ACTR3C: variants seen among roughly 807,000 people sequenced by gnomAD.
ACTR3C encodes actin-related protein 3C.
ACTR3C carries 18 observed loss-of-function variants against 26.3 expected under a neutral mutation model. The ratio of observed to expected loss-of-function variants is 0.68; its 90% CI spans 0.47 to 1.01. ACTR3C has a LOEUF of 1.01. Ranked by LOEUF, ACTR3C falls within the 50% of genes least tolerant of loss-of-function variation. The pLI, the probability that ACTR3C is intolerant of heterozygous loss-of-function variation, is 0.00. For missense variants in ACTR3C, 184 were observed against 250.7 expected (o/e 0.73, Z 1.80); for synonymous variants, 55 against 94.5 (o/e 0.58, Z 2.42).
At chr7:150,137,966 G>A in the ACTR3C span, among the ~76,000 whole-genome samples, 1 of 152,186 alleles carries the variant, frequency 6.6e-6, no homozygotes, top group African/African-American at 2.4e-5. Flanking sequence ...ATGGGTGGAT[G>A]ATAGTACCAG....
the ACTR3C span, among the ~76,000 whole-genome samples, chr7:150,145,498 A>T: frequency 6.9e-6 from 1 of 144,330 alleles, no homozygotes; most frequent in Non-Finnish European, 1.5e-5. Flanking sequence ...TAAAATACTC[A>T]GGTTGTAGGA....
chr7:150,291,378 G>A (rs1024406258), intron 3 of ACTR3C, among the ~76,000 whole-genome samples: 3 of 152,166 alleles, frequency 2.0e-5, no homozygotes, highest in Non-Finnish European at 4.4e-5. Context: ...GCAGTGTGCC[G>A]AGATCGTGCC....
At chr7:150,206,025 G>T in the ACTR3C span, among the ~76,000 whole-genome samples, 1 of 152,108 alleles carries the variant, frequency 6.6e-6, no homozygotes, top group African/African-American at 2.4e-5. Context: ...ACTGAGAGTT[G>T]GAAAGGAAGT....
chr7:150,185,118 A>G, the ACTR3C span, among the ~76,000 whole-genome samples: 29 of 151,930 alleles, frequency 1.9e-4, no homozygotes, highest in African/African-American at 6.8e-4. Context: ...AACTGAGAGG[A>G]ATCATGGTCT....
At chr7:149,955,901 A>G in the ACTR3C span, among the ~76,000 whole-genome samples, 5 of 152,184 alleles carry the variant, frequency 3.3e-5, no homozygotes, top group African/African-American at 9.7e-5. Context: ...AATGGTCCCC[A>G]ACTCACCCTG....
At chr7:150,120,061 A>G in the ACTR3C span, among the ~76,000 whole-genome samples, 1 of 152,222 alleles carries the variant, frequency 6.6e-6, no homozygotes, top group African/African-American at 2.4e-5. Flanking sequence ...AATGTACCAG[A>G]ATCCCTGGGA....
chr7:150,186,945 G>A, the ACTR3C span, among the ~76,000 whole-genome samples: 1 of 151,952 alleles, frequency 6.6e-6, no homozygotes, highest in Non-Finnish European at 1.5e-5. Flanking sequence ...TTAAAAAAAA[G>A]GTCAGTAGAG....
At chr7:150,168,993 T>G in the ACTR3C span, among the ~76,000 whole-genome samples, 1 of 150,660 alleles carries the variant, frequency 6.6e-6, no homozygotes, top group African/African-American at 2.5e-5. Flanking sequence ...ATCCCTAACC[T>G]TCAATGCATT....
At chr7:150,305,756 T>A (rs185996549) in intron 1 of ACTR3C, among the ~76,000 whole-genome samples, 17 of 152,220 alleles carry the variant, frequency 1.1e-4, no homozygotes, top group Admixed American at 7.2e-4. Flanking sequence ...ATAACCGGTG[T>A]AAGCTGAGTC....
chr7:150,148,153 TA>T, the ACTR3C span, among the ~76,000 whole-genome samples: 76 of 115,194 alleles, frequency 6.6e-4, no homozygotes, highest in Admixed American at 1.2e-3. Flanking sequence ...GCTTAAAAGT[TA>T]AAAAAAAAAA....
chr7:149,900,907 C>A, the ACTR3C span, among the ~76,000 whole-genome samples: 1 of 151,970 alleles, frequency 6.6e-6, no homozygotes, highest in Non-Finnish European at 1.5e-5. Context: ...GTGGTGGGCA[C>A]CTGTAATCCC....
chr7:150,242,170 C>G (rs1291142582), downstream of ACTR3C, among the ~76,000 whole-genome samples: 1 of 151,030 alleles, frequency 6.6e-6, no homozygotes. Flanking sequence ...GAGACGAGAT[C>G]GCACCACTGC....
the ACTR3C span, among the ~76,000 whole-genome samples, chr7:149,905,922 G>A: frequency 6.6e-6 from 1 of 151,890 alleles, no homozygotes; most frequent in Non-Finnish European, 1.5e-5. Flanking sequence ...TACGCTCTGT[G>A]ACAAAACAAT....
the ACTR3C span, among the ~76,000 whole-genome samples, chr7:150,175,738 C>T: frequency 1.4e-5 from 2 of 143,726 alleles, no homozygotes; most frequent in African/African-American, 2.8e-5. Context: ...CTTGAACCAC[C>T]TGGGAAGCGG....
At chr7:150,140,838 G>A in the ACTR3C span, among the ~76,000 whole-genome samples, 2 of 152,234 alleles carry the variant, frequency 1.3e-5, no homozygotes, top group Non-Finnish European at 2.9e-5. Context: ...CTGAAAGCTA[G>A]GCCTCTTGCG....
chr7:150,223,501 TTTAGAAACTGCCAAA>T, the ACTR3C span, among the ~76,000 whole-genome samples: 1 of 149,736 alleles, frequency 6.7e-6, no homozygotes, highest in Non-Finnish European at 1.5e-5. Context: ...TTTGTTTGTT[TTTAGAAACTGCCAAA>T]TCATTTCCCA....
At chr7:150,150,742 T>C in the ACTR3C span, among the ~76,000 whole-genome samples, 1 of 138,962 alleles carries the variant, frequency 7.2e-6, no homozygotes, top group Non-Finnish European at 1.6e-5. Context: ...ATATCTGCTT[T>C]GTTCTTCCTC....
the ACTR3C span, among the ~76,000 whole-genome samples, chr7:149,962,705 C>T: frequency 8.5e-5 from 13 of 152,268 alleles, no homozygotes; most frequent in African/African-American, 2.4e-4. Context: ...ATTCCAATTC[C>T]TCATCCTGGT....
At chr7:150,015,017 A>G in the ACTR3C span, among the ~76,000 whole-genome samples, 2 of 152,190 alleles carry the variant, frequency 1.3e-5, no homozygotes, top group Admixed American at 1.3e-4. Flanking sequence ...AACAACCCCT[A>G]TGATACAATG....
Sources: allele counts gnomAD v4.1 joint callset (sites outside exome capture counted in the v4.1 genomes callset), GRCh38; gene constraint gnomAD v4.1.1; transcripts MANE v1.5; gene names NCBI Gene and HGNC (gene_info 2026-07-23, HGNC 2026-07-21).